ANKRD27: variants seen among roughly 807,000 people sequenced by gnomAD.
ANKRD27 encodes the protein ankyrin repeat domain-containing protein 27.
A neutral mutation model predicts 129.7 loss-of-function variants in ANKRD27; 112 were observed. The ratio of observed to expected loss-of-function variants is 0.86; its 90% CI spans 0.74 to 1.01. The LOEUF is 1.01. Among genes scored for constraint, ANKRD27 ranks in the 50% least tolerant of loss-of-function variants. The pLI, the probability that ANKRD27 is intolerant of heterozygous loss-of-function variation, is 0.00. For missense variants in ANKRD27, 1,258 were observed against 1,300.5 expected (o/e 0.97, Z 0.50); for synonymous variants, 516 against 511.2 (o/e 1.01, Z -0.13).
chr19:32,640,901 TTG>T (rs1967187539), intron 10 of ANKRD27, among the ~76,000 whole-genome samples: 1 of 151,748 alleles, frequency 6.6e-6, no homozygotes, highest in Admixed American at 6.6e-5. Context: ...TCTCTTTTTT[TTG>T]TTTGTTTGTT....
chr19:32,636,723 C>CTATA (rs1274610525), intron 12 of ANKRD27, among the ~76,000 whole-genome samples: 2 of 143,282 alleles, frequency 1.4e-5, no homozygotes. Flanking sequence ...CTCTCTCTCT[C>CTATA]TATATATATA....
At chr19:32,609,457 C>A (rs1971801360) in intron 22 of ANKRD27, among the ~76,000 whole-genome samples, 1 of 152,184 alleles carries the variant, frequency 6.6e-6, no homozygotes, top group Admixed American at 6.5e-5. Context: ...ACAACAAATT[C>A]TGGTGTGTCC....
intron 1 of ANKRD27, among the ~76,000 whole-genome samples, chr19:32,667,679 A>C (rs1967785816): frequency 6.6e-6 from 1 of 152,196 alleles, no homozygotes; most frequent in African/African-American, 2.4e-5. Flanking sequence ...TAAAAATACA[A>C]AAATTAGCCG....
rs769815125 is a variant in ANKRD27, at chr19:32,631,497, G to A, written c.1117-3C>T. 3 of 1,613,096 alleles carry A rather than the reference G, an allele frequency of 1.9e-6. No homozygotes were observed. The highest frequency in any genetic ancestry group is 2.5e-6 in the Non-Finnish European group (3 of 1,179,416). On this transcript the variant is annotated splice_polypyrimidine_tract_variant and splice_region_variant and intron_variant, in intron 12 of 28. Transcript: ENST00000306065. ...CTGTCTCCAAATCCCTCAGACTCCT[G>A]CAGGGAAAAAACCAAACACACCACG...
chr19:32,654,186 C>T (rs1967476276), intron 2 of ANKRD27, among the ~76,000 whole-genome samples: 2 of 152,296 alleles, frequency 1.3e-5, no homozygotes, highest in African/African-American at 4.8e-5. Flanking sequence ...AGGCGTGAGC[C>T]ACCATGCCTG....
chr19:32,646,675 C>T, intron 3 of ANKRD27, 60 bp from the exon 4 acceptor site: 6 of 1,569,866 alleles, frequency 3.8e-6, no homozygotes, highest in Non-Finnish European at 5.2e-6. Flanking sequence ...CCACTCTCAG[C>T]CTGGCCCCCG....
chr19:32,641,962 C>T (rs1199413990), intron 10 of ANKRD27, 62 bp downstream of exon 10: 5 of 1,502,498 alleles, frequency 3.3e-6, no homozygotes, highest in Non-Finnish European at 4.5e-6. Context: ...CAGCATCACT[C>T]TTTGCTTTTT....
At chr19:32,672,557 C>A (rs980246900) in intron 1 of ANKRD27, among the ~76,000 whole-genome samples, 2 of 152,166 alleles carry the variant, frequency 1.3e-5, no homozygotes, top group African/African-American at 4.8e-5. Context: ...AGGGGCTAAC[C>A]CCAGGTCATA....
chr19:32,620,463 G>A (rs2145275456), intron 18 of ANKRD27, among the ~76,000 whole-genome samples: 1 of 151,790 alleles, frequency 6.6e-6, no homozygotes, highest in Admixed American at 6.6e-5. Flanking sequence ...CAGCTACAAG[G>A]GAGGCTGAGG....
intron 3 of ANKRD27, among the ~76,000 whole-genome samples, chr19:32,648,839 T>C (rs766895440): frequency 9.2e-5 from 14 of 151,842 alleles, no homozygotes; most frequent in Non-Finnish European, 1.9e-4. Context: ...TAATATGTGT[T>C]GAGAGACAGC....
At chr19:32,660,399 TG>T (rs1161761328) in intron 1 of ANKRD27, among the ~76,000 whole-genome samples, 1 of 152,090 alleles carries the variant, frequency 6.6e-6, no homozygotes, top group African/African-American at 2.4e-5. Context: ...AAAAATTAGC[TG>T]GGTGTGGTGG....
chr19:32,636,741 T>TATTTTATATATATATATATATA (rs375534632), intron 12 of ANKRD27, among the ~76,000 whole-genome samples: 5 of 109,502 alleles, frequency 4.6e-5, no homozygotes, highest in African/African-American at 1.4e-4. Flanking sequence ...ATATATATAT[T>TATTTTATATATATATATATATA]TTTTATATAT....
chr19:32,628,652 C>A (rs1966934235), intron 14 of ANKRD27, 70 bp downstream of exon 14: 7 of 1,594,274 alleles, frequency 4.4e-6, no homozygotes, highest in Non-Finnish European at 1.7e-6. Context: ...ACACAGCGCA[C>A]AGTGGAGAAG....
chr19:32,643,014 A>G, intron 9 of ANKRD27, 109 bp downstream of exon 9: 1 of 1,043,040 alleles, frequency 9.6e-7, no homozygotes, highest in Non-Finnish European at 1.4e-6. Context: ...CCTCAGAACT[A>G]ACCACATCAA....
chr19:32,635,856 CTG>C (rs1324604355), intron 12 of ANKRD27, among the ~76,000 whole-genome samples: 3 of 152,204 alleles, frequency 2.0e-5, no homozygotes, highest in Non-Finnish European at 4.4e-5. Flanking sequence ...AAAAAGATAA[CTG>C]TGTTCATTCC....
At chr19:32,632,857 T>C (rs1468962434) in intron 12 of ANKRD27, among the ~76,000 whole-genome samples, 2 of 152,184 alleles carry the variant, frequency 1.3e-5, no homozygotes, top group African/African-American at 4.8e-5. Context: ...CACCTAAAGA[T>C]AGAGCTGACA....
At chr19:32,612,542 A>T (rs966475036) in intron 22 of ANKRD27, among the ~76,000 whole-genome samples, 1 of 152,238 alleles carries the variant, frequency 6.6e-6, no homozygotes, top group Non-Finnish European at 1.5e-5. Flanking sequence ...GAATCATTCA[A>T]TCCAATACTG....
At chr19:32,656,368 T>C (rs1967537328) in intron 2 of ANKRD27, among the ~76,000 whole-genome samples, 4 of 152,238 alleles carry the variant, frequency 2.6e-5, no homozygotes, top group Admixed American at 2.6e-4. Flanking sequence ...AGGCCCTCCC[T>C]GATCCATGCC....
At chr19:32,648,571 C>T (rs986751590) in intron 3 of ANKRD27, among the ~76,000 whole-genome samples, 1 of 152,108 alleles carries the variant, frequency 6.6e-6, no homozygotes, top group Non-Finnish European at 1.5e-5. Context: ...GAGGCCGAGG[C>T]GGGTGGATCA....
Sources: gnomAD v4.1 joint callset for allele counts (sites outside exome capture counted in the v4.1 genomes callset) on GRCh38, gnomAD v4.1.1 for gene constraint, MANE v1.5 for transcripts, NCBI Gene and HGNC (gene_info 2026-07-23, HGNC 2026-07-21) for gene names.